Variants in ERBB4 observed in about 807,000 individuals in gnomAD.
ERBB4 encodes receptor tyrosine-protein kinase erbB-4.
ERBB4 carries 42 observed loss-of-function variants against 158.0 expected under a neutral mutation model. The observed-to-expected ratio is 0.27, with a 90% CI of 0.21 to 0.34. The LOEUF (loss-of-function observed/expected upper bound fraction) is 0.34. ERBB4 is among the 10% of genes least tolerant of loss of function. ERBB4 has a pLI of 1.00. For missense variants in ERBB4, 1,333 were observed against 1,624.1 expected (o/e 0.82, Z 3.08); for synonymous variants, 583 against 558.7 (o/e 1.04, Z -0.61).
At chr2:212,450,561 T>C (rs1178906100) in intron 1 of ERBB4, among the ~76,000 whole-genome samples, 1 of 151,910 alleles carries the variant, frequency 6.6e-6, no homozygotes, top group Non-Finnish European at 1.5e-5. Flanking sequence ...GCTCAAAAAA[T>C]ACAGTTCTGC....
chr2:212,498,871 C>G (rs1690727323), intron 1 of ERBB4, among the ~76,000 whole-genome samples: 1 of 151,908 alleles, frequency 6.6e-6, no homozygotes, highest in South Asian at 2.1e-4. Flanking sequence ...TCTAAACTAG[C>G]TGAGCATCAG....
At chr2:212,082,612 A>G (rs1287548655) in intron 2 of ERBB4, among the ~76,000 whole-genome samples, 1 of 152,022 alleles carries the variant, frequency 6.6e-6, no homozygotes, top group East Asian at 1.9e-4. Context: ...CCTATTTTCT[A>G]CAAGTGGATT....
intron 20 of ERBB4, among the ~76,000 whole-genome samples, chr2:211,449,858 G>C (rs927269243): frequency 9.9e-5 from 15 of 152,090 alleles, no homozygotes; most frequent in Non-Finnish European, 1.6e-4. Flanking sequence ...GGCTAACTAG[G>C]GAATTAACAT....
At chr2:212,450,414 A>G (rs188573800) in intron 1 of ERBB4, among the ~76,000 whole-genome samples, 5 of 152,252 alleles carry the variant, frequency 3.3e-5, no homozygotes, top group Admixed American at 3.3e-4. Flanking sequence ...AAGAAAAAGA[A>G]AGTTCAGAGT....
At chr2:212,443,668 G>A (rs960543154) in intron 1 of ERBB4, among the ~76,000 whole-genome samples, 1 of 152,224 alleles carries the variant, frequency 6.6e-6, no homozygotes, top group Non-Finnish European at 1.5e-5. Context: ...TGTGCAAACT[G>A]CTCTGCCACT....
rs865820042 is a variant in ERBB4 at position 211,430,807 on chromosome 2, G to A, written c.2643+138C>T. On this transcript the variant is annotated intron_variant, in intron 21 of 27. Transcript: ENST00000342788. ...ACACATATATATATACCCGGGGCAG[G>A]AGAAGAGGCAAATGGTAGAACCAAG... The A allele has an allele frequency of 2.2e-5, 16 of 731,260 alleles. No homozygotes were observed. The Middle Eastern group carries it at 1.9e-3, about 87-fold the overall frequency. 45.3% of individuals were successfully genotyped at this position (731,260 alleles called of 1,614,324 possible). A position where few individuals can be genotyped will look rare whatever the true frequency, so the allele number is the denominator to read the frequency against.
intron 19 of ERBB4, among the ~76,000 whole-genome samples, chr2:211,603,432 C>T (rs1426810388): frequency 1.3e-5 from 2 of 151,968 alleles, no homozygotes; most frequent in Non-Finnish European, 2.9e-5. Flanking sequence ...CAGTGAACAA[C>T]ACCTACATAG....
intron 3 of ERBB4, among the ~76,000 whole-genome samples, chr2:211,863,002 C>A (rs899972792): frequency 2.0e-5 from 3 of 151,846 alleles, no homozygotes; most frequent in Admixed American, 6.6e-5. Context: ...TGTAAATGCA[C>A]CATTCAGCAC....
At position 211,386,825 on chromosome 2, in the gene ERBB4, C is replaced by T. The variant is rs190883025; in HGVS notation, c.3481+28G>A. 4.7e-4 allele frequency: 764 copies of T among 1,610,326 alleles called. 9 individuals are homozygous for T. In the Middle Eastern group the frequency reaches 5.6e-3, roughly 12 times the overall value. ...CTTGATGGAAGTGAACTTCGAATGGCGATCGTTTCTGAATAATCAGTTCAT... is the reference window on the plus strand; with the variant it reads ...CTTGATGGAAGTGAACTTCGAATGGTGATCGTTTCTGAATAATCAGTTCAT... On this transcript the variant is annotated intron_variant, in intron 27 of 27. Coordinates refer to ENST00000342788, the MANE Select transcript of ERBB4 (RefSeq NM_005235.3).
intron 17 of ERBB4, among the ~76,000 whole-genome samples, chr2:211,624,797 G>A (rs1047110413): frequency 6.6e-6 from 1 of 152,106 alleles, no homozygotes; most frequent in Non-Finnish European, 1.5e-5. Flanking sequence ...ATGAAAATGG[G>A]TTGGTATTGG....
intron 2 of ERBB4, among the ~76,000 whole-genome samples, chr2:212,090,171 C>G (rs1282031224): frequency 6.6e-6 from 1 of 152,168 alleles, no homozygotes; most frequent in East Asian, 1.9e-4. Context: ...CTTTGATTTA[C>G]TTATCTGAAA....
chr2:212,473,280 G>T (rs1253769161), intron 1 of ERBB4, among the ~76,000 whole-genome samples: 1 of 151,890 alleles, frequency 6.6e-6, no homozygotes, highest in African/African-American at 2.4e-5. Context: ...GATAATCACT[G>T]CAATGGGAAA....
intron 20 of ERBB4, among the ~76,000 whole-genome samples, chr2:211,460,812 A>C (rs554146305): frequency 1.3e-5 from 2 of 152,322 alleles, no homozygotes; most frequent in East Asian, 3.9e-4. Context: ...AAGATTTTAT[A>C]GCTAGAACAG....
chr2:211,455,536 T>C (rs1244471374), intron 20 of ERBB4, among the ~76,000 whole-genome samples: 1 of 152,200 alleles, frequency 6.6e-6, no homozygotes, highest in Non-Finnish European at 1.5e-5. Flanking sequence ...CAAATGTCTA[T>C]ATGCTTACAT....
intron 1 of ERBB4, among the ~76,000 whole-genome samples, chr2:212,258,218 T>C (rs1192792837): frequency 3.9e-5 from 6 of 152,126 alleles, no homozygotes; most frequent in Admixed American, 6.6e-5. Flanking sequence ...TAATTTCATA[T>C]GCTATTTGCA....
chr2:211,571,285 C>A (rs2125745344), intron 19 of ERBB4, among the ~76,000 whole-genome samples: 1 of 152,090 alleles, frequency 6.6e-6, no homozygotes, highest in South Asian at 2.1e-4. Context: ...TGTTCTCCAA[C>A]CTCCTAGAGA....
intron 1 of ERBB4, among the ~76,000 whole-genome samples, chr2:212,294,681 A>G (rs983608976): frequency 1.3e-5 from 2 of 152,096 alleles, no homozygotes; most frequent in African/African-American, 4.8e-5. Flanking sequence ...AAATTCCAAA[A>G]TGTTTAATAC....
At chr2:211,816,894 T>C (rs1348650502) in intron 3 of ERBB4, among the ~76,000 whole-genome samples, 2 of 152,138 alleles carry the variant, frequency 1.3e-5, no homozygotes, top group African/African-American at 2.4e-5. Context: ...TGTGTTCCCA[T>C]AGGTACTGTT....
At chr2:212,396,315 C>CT (rs1560205686) in intron 1 of ERBB4, among the ~76,000 whole-genome samples, 1 of 152,070 alleles carries the variant, frequency 6.6e-6, no homozygotes, top group Non-Finnish European at 1.5e-5. Flanking sequence ...GTTACTTAAG[C>CT]TTCTCAAAGC....
Sources: allele counts gnomAD v4.1 joint callset (sites outside exome capture counted in the v4.1 genomes callset), GRCh38; gene constraint gnomAD v4.1.1; transcripts MANE v1.5; gene names NCBI Gene and HGNC (gene_info 2026-07-23, HGNC 2026-07-21).